Variants in OOSP1 observed in about 807,000 individuals in gnomAD.
The protein encoded by OOSP1 is oocyte secreted protein 1, also known as putative oocyte-secreted protein 1 homolog.
Under a neutral mutation model 5.7 loss-of-function variants are expected in OOSP1, and 11 were observed. The observed-to-expected ratio is 1.94, with a 90% CI of 1.22 to 3.20. The LOEUF (loss-of-function observed/expected upper bound fraction) is 3.20. OOSP1 is among the 30% of genes most tolerant of loss of function. OOSP1 has a pLI of 0.00. For missense variants in OOSP1, 83 were observed against 54.1 expected (o/e 1.53, Z -1.67); for synonymous variants, 44 against 20.0 (o/e 2.20, Z -3.20).
At chr11:59,944,326 TA>T (rs558843214) in intron 2 of OOSP1, among the ~76,000 whole-genome samples, 52 of 122,908 alleles carry the variant, frequency 4.2e-4, no homozygotes, top group African/African-American at 1.5e-3. Flanking sequence ...CAGCAGGTAT[TA>T]GGGGGGCACT....
chr11:59,941,257 T>C (rs889213654), intron 1 of OOSP1, among the ~76,000 whole-genome samples: 2 of 152,268 alleles, frequency 1.3e-5, no homozygotes, highest in African/African-American at 4.8e-5. Context: ...TGATTCTTTT[T>C]ATTGCTGAGT....
intron 1 of OOSP1, 120 bp downstream of exon 1, chr11:59,938,650 T>G (rs1403811114): frequency 2.5e-6 from 1 of 403,672 alleles, no homozygotes; most frequent in East Asian, 3.6e-5. Flanking sequence ...CATGGAGGGG[T>G]GGTGCCTCTT....
intron 2 of OOSP1, among the ~76,000 whole-genome samples, chr11:59,943,879 T>C (rs1853855679): frequency 1.3e-5 from 2 of 152,254 alleles, no homozygotes; most frequent in South Asian, 4.1e-4. Context: ...ATGATATTAC[T>C]TATTTTTTTC....
chr11:59,940,085 G>A (rs577345344), intron 1 of OOSP1, among the ~76,000 whole-genome samples: 57 of 152,340 alleles, frequency 3.7e-4, no homozygotes, highest in South Asian at 6.2e-4. Flanking sequence ...TGCAGTGAAA[G>A]GTTGTGTATA....
intron 1 of OOSP1, among the ~76,000 whole-genome samples, chr11:59,938,988 C>G (rs181927307): frequency 7.7e-4 from 117 of 152,262 alleles, no homozygotes; most frequent in African/African-American, 2.5e-3. Context: ...TCAGTGCCCC[C>G]TAAGTGAGGT....
chr11:59,941,767 T>C (rs539736153), intron 1 of OOSP1, among the ~76,000 whole-genome samples: 4 of 152,192 alleles, frequency 2.6e-5, no homozygotes, highest in Non-Finnish European at 5.9e-5. Context: ...GGTTGTTGTA[T>C]GTTTAGTTTT....
chr11:59,940,746 G>T (rs1565230621), intron 1 of OOSP1, among the ~76,000 whole-genome samples: 1 of 152,136 alleles, frequency 6.6e-6, no homozygotes, highest in Non-Finnish European at 1.5e-5. Context: ...TAACTCTCTT[G>T]CTCAATTGTT....
At chr11:59,939,863 G>A (rs1387062559) in intron 1 of OOSP1, among the ~76,000 whole-genome samples, 3 of 150,746 alleles carry the variant, frequency 2.0e-5, no homozygotes, top group African/African-American at 7.3e-5. Context: ...CACTCAGGCT[G>A]GAGTGCAGTG....
chr11:59,945,583 T>A (rs1294787716), intron 3 of OOSP1, among the ~76,000 whole-genome samples: 11 of 143,032 alleles, frequency 7.7e-5, no homozygotes, highest in African/African-American at 2.1e-4. Context: ...CTACTAAAAA[T>A]ACCAAAAAAA....
At chr11:59,949,946 C>T (rs1264771700) in intron 4 of OOSP1, among the ~76,000 whole-genome samples, 2 of 152,178 alleles carry the variant, frequency 1.3e-5, no homozygotes, top group South Asian at 2.1e-4. Context: ...GTCCTACTGG[C>T]ATCTGTATAG....
intron 4 of OOSP1, among the ~76,000 whole-genome samples, chr11:59,951,203 G>A (rs572389886): frequency 7.3e-4 from 110 of 151,532 alleles, no homozygotes; most frequent in South Asian, 1.5e-3. Flanking sequence ...GGGTAACCTC[G>A]TATTGCTCAA....
intron 2 of OOSP1, among the ~76,000 whole-genome samples, chr11:59,944,837 A>G (rs567337353): frequency 2.6e-5 from 4 of 152,362 alleles, no homozygotes; most frequent in Admixed American, 1.3e-4. Context: ...CTCAAAGCCC[A>G]TGCTCGCTTT....
chr11:59,953,663 T>C lies in OOSP1; in HGVS notation c.487-3532T>C, dbSNP rs138481231. Among the ~76,000 whole-genome samples the C allele has an allele frequency of 4.9e-3, 745 of 152,326 alleles. 10 individuals are homozygous for C. Among genetic ancestry groups the C allele is most frequent in the African/African-American group, 0.017 (694 of 41,572 alleles). ...TCAAATCTCAGACAAGAGCAATTGC[T>C]ATTTTTCTTGGTTGGGTTGTTTGGG... On this transcript the variant is annotated intron_variant, in intron 4 of 4. Transcript: ENST00000646685.
At chr11:59,947,676 A>G (rs2134569719) in intron 3 of OOSP1, 57 bp from the exon 4 acceptor site, 1 of 397,518 alleles carries the variant, frequency 2.5e-6, no homozygotes, top group African/African-American at 2.1e-5. Context: ...TGTAAATGCT[A>G]GGATCTGAGT....
rs560801748 is a variant in OOSP1 at position 59,951,063 on chromosome 11, A to T, written c.486+3201A>T. On this transcript the variant is annotated intron_variant, in intron 4 of 4. Transcript: ENST00000646685. Reference sequence around the variant, plus strand: ...AACATTTATAATAATCACTACAGCTATTTATGATAAATTATCAAATTGCAA... The same window carrying T: ...AACATTTATAATAATCACTACAGCTTTTTATGATAAATTATCAAATTGCAA... 1.0e-3 allele frequency among the ~76,000 whole-genome samples: 153 copies of T among 152,224 alleles called. 2 individuals are homozygous for T. The South Asian group carries it at 0.013, about 13-fold the overall frequency.
At chr11:59,943,365 A>C (rs959897784) in intron 2 of OOSP1, among the ~76,000 whole-genome samples, 1 of 152,062 alleles carries the variant, frequency 6.6e-6, no homozygotes, top group Non-Finnish European at 1.5e-5. Flanking sequence ...TAAAAAAAAA[A>C]CCAACAAAAA....
intron 1 of OOSP1, 123 bp downstream of exon 1, chr11:59,938,653 T>C: frequency 2.5e-6 from 1 of 403,552 alleles, no homozygotes; most frequent in Non-Finnish European, 4.4e-6. Context: ...GGAGGGGTGG[T>C]GCCTCTTTTC....
intron 4 of OOSP1, among the ~76,000 whole-genome samples, chr11:59,948,329 T>C (rs564161468): frequency 6.6e-6 from 1 of 152,286 alleles, no homozygotes; most frequent in East Asian, 1.9e-4. Flanking sequence ...TTTTTCATTC[T>C]TGAGCCCCAT....
chr11:59,938,848 A>G (rs1853797163), intron 1 of OOSP1, among the ~76,000 whole-genome samples: 2 of 152,196 alleles, frequency 1.3e-5, no homozygotes, highest in Non-Finnish European at 2.9e-5. Flanking sequence ...AGTGGCCTGG[A>G]AAACAGAGGA....
Sources: gnomAD v4.1 joint callset for allele counts (sites outside exome capture counted in the v4.1 genomes callset) on GRCh38, gnomAD v4.1.1 for gene constraint, MANE v1.5 for transcripts, NCBI Gene and HGNC (gene_info 2026-07-23, HGNC 2026-07-21) for gene names.